EML6: variants seen among roughly 807,000 people sequenced by gnomAD.
EML6 encodes the protein EMAP like 6, also known as echinoderm microtubule-associated protein-like 6.
In EML6, 154 loss-of-function variants were observed where a neutral mutation model predicts 240.1. The observed-to-expected ratio is 0.64, with a 90% CI of 0.56 to 0.73. The LOEUF (loss-of-function observed/expected upper bound fraction) is 0.73. EML6 is among the 30% of genes least tolerant of loss of function. The probability of loss-of-function intolerance (pLI) is 0.00; values close to 1 mark genes in which losing one functional copy is unlikely to be tolerated. For missense variants in EML6, 2,964 were observed against 2,474.6 expected (o/e 1.20, Z -4.20); for synonymous variants, 1,148 against 899.0 (o/e 1.28, Z -4.95).
rs1676302430 is a variant in EML6 at position 54,957,828 on chromosome 2, A to G, written c.4525A>G (p.Ile1509Val). The G allele has an allele frequency of 1.3e-6, 2 of 1,550,332 alleles. No individual in the cohort carries two copies. Among genetic ancestry groups the G allele is most frequent in the South Asian group, 1.2e-5 (1 of 84,000 alleles). ...VASRGGHLER[I>V]FVVEFRPDSD... ...CAGCCGAGGGGGTCACCTGGAGCGC[A>G]TATTTGTGGTGGAATTTCGCCCCGA... Residue 1509 changes from isoleucine (I) to valine (V), a missense_variant, in exon 33 of 42, where the codon ATA becomes GTA. Coordinates refer to ENST00000356458, the MANE Select transcript of EML6 (RefSeq NM_001039753.4).
At chr2:54,851,605 A>G (rs1670094190) in intron 10 of EML6, among the ~76,000 whole-genome samples, 1 of 152,216 alleles carries the variant, frequency 6.6e-6, no homozygotes, top group African/African-American at 2.4e-5. Flanking sequence ...TAAAGTAGAG[A>G]AAATCTGAAA....
At chr2:54,740,756 C>T (rs764765245) in intron 2 of EML6, among the ~76,000 whole-genome samples, 12 of 151,034 alleles carry the variant, frequency 7.9e-5, no homozygotes, top group Non-Finnish European at 1.8e-4. Flanking sequence ...ACAGATGTTG[C>T]TTCTTGGTAA....
intron 2 of EML6, among the ~76,000 whole-genome samples, chr2:54,782,705 C>G (rs1297644862): frequency 7.1e-6 from 1 of 140,036 alleles, no homozygotes; most frequent in Admixed American, 7.2e-5. Flanking sequence ...TTCTTGTCTT[C>G]TTCTCTAAGA....
chr2:54,937,467 C>A (rs1168979073), intron 28 of EML6, among the ~76,000 whole-genome samples: 2 of 136,700 alleles, frequency 1.5e-5, no homozygotes, highest in Non-Finnish European at 3.1e-5. Flanking sequence ...ATAAAAGGAT[C>A]ACTTGAGCCT....
chr2:54,902,192 A>G (rs958495778), intron 22 of EML6, among the ~76,000 whole-genome samples: 4 of 152,210 alleles, frequency 2.6e-5, no homozygotes, highest in African/African-American at 7.2e-5. Flanking sequence ...ATTTTATTAT[A>G]GAACTCCTAT....
At chr2:54,839,877 C>T (rs1669347068) in intron 7 of EML6, among the ~76,000 whole-genome samples, 1 of 152,076 alleles carries the variant, frequency 6.6e-6, no homozygotes, top group Non-Finnish European at 1.5e-5. Context: ...GTTCCTGAGC[C>T]TCTTAAAATT....
In EML6 at chr2:54,751,559, T is replaced by C. The variant is rs547748743; in HGVS notation, c.197+26301T>C. 5.9e-5 allele frequency among the ~76,000 whole-genome samples: 9 copies of C among 152,270 alleles called. No homozygotes were observed. The South Asian group carries it at 1.7e-3, about 28-fold the overall frequency. On this transcript the variant is annotated intron_variant, in intron 2 of 41. Transcript: ENST00000356458. ...AGCTTACAAAAGGAAGGACAAATGC[T>C]CCGCAGCACACAGTAATACCCCGTC...
intron 10 of EML6, 103 bp downstream of exon 10, chr2:54,850,321 A>G: frequency 2.6e-6 from 3 of 1,135,328 alleles, no homozygotes; most frequent in South Asian, 1.7e-5. Context: ...TTTGTACAGC[A>G]GGTTTTCTGG....
At chr2:54,945,374 C>T (rs190324594) in intron 28 of EML6, among the ~76,000 whole-genome samples, 2 of 150,066 alleles carry the variant, frequency 1.3e-5, no homozygotes, top group African/African-American at 2.5e-5. Flanking sequence ...ATTTTGGAAG[C>T]TGAAGAAAGC....
Position 54,774,236 on chromosome 2 carries a change from C to T in EML6, c.198-38996C>T, listed in dbSNP as rs555402281. Among the ~76,000 whole-genome samples the T allele has an allele frequency of 1.3e-5, 2 of 152,248 alleles. No individual in the cohort carries two copies. The highest frequency in any genetic ancestry group is 4.1e-4 in the South Asian group (2 of 4,820). On this transcript the variant is annotated intron_variant, in intron 2 of 41. Transcript: ENST00000356458. The surrounding 1 kb of genome is among the most constrained non-coding windows in gnomAD (Gnocchi z 4.1). ...AGTTTCCTAGGAAGCAGCTCTGAGA[C>T]GAAGTTCAGCTTGCAAAATGTTTAT... is the stretch of plus-strand genomic sequence containing the variant.
At chr2:54,750,178 A>AT (rs1333548566) in intron 2 of EML6, among the ~76,000 whole-genome samples, 5 of 152,180 alleles carry the variant, frequency 3.3e-5, no homozygotes, top group Admixed American at 2.6e-4. Context: ...TGAGGGCCCG[A>AT]TATTTGGCTT....
intron 2 of EML6, among the ~76,000 whole-genome samples, chr2:54,799,784 A>T (rs982507191): frequency 1.3e-5 from 2 of 152,206 alleles, no homozygotes; most frequent in African/African-American, 4.8e-5. Context: ...AGAAATTGAG[A>T]TTGGAGAGGT....
intron 34 of EML6, 96 bp downstream of exon 34, chr2:54,959,357 C>T: frequency 1.7e-6 from 2 of 1,199,424 alleles, no homozygotes; most frequent in African/African-American, 1.5e-5. Context: ...TGCAGACTGT[C>T]ATCCTCCTAT....
intron 2 of EML6, among the ~76,000 whole-genome samples, chr2:54,772,585 T>C (rs949066776): frequency 2.0e-5 from 3 of 152,312 alleles, no homozygotes; most frequent in Non-Finnish European, 4.4e-5. Context: ...GTGGCAAAAA[T>C]TTACTGAATG....
At chr2:54,830,833 C>G (rs1428978793) in intron 7 of EML6, among the ~76,000 whole-genome samples, 1 of 152,202 alleles carries the variant, frequency 6.6e-6, no homozygotes, top group African/African-American at 2.4e-5. Flanking sequence ...TCTAAGTCAA[C>G]TAATCCAGGA....
At chr2:54,753,028 G>A (rs1184159981) in intron 2 of EML6, among the ~76,000 whole-genome samples, 1 of 152,102 alleles carries the variant, frequency 6.6e-6, no homozygotes, top group Admixed American at 6.5e-5. Flanking sequence ...GAGTCACGGT[G>A]CCCGGCTACA....
At chr2:54,897,930 G>C (rs1427924593) in intron 21 of EML6, among the ~76,000 whole-genome samples, 1 of 152,162 alleles carries the variant, frequency 6.6e-6, no homozygotes, top group Non-Finnish European at 1.5e-5. Flanking sequence ...TGTAGAGGCA[G>C]TGTGAGTGAG....
At chr2:54,867,840 T>G (rs1220499258) in intron 14 of EML6, 1 of 152,218 alleles carries the variant, frequency 6.6e-6, no homozygotes, top group Non-Finnish European at 1.5e-5. Context: ...ATTTCCATTC[T>G]AATTTTCCCA....
At chr2:54,969,926 A>G in intron 41 of EML6, 145 bp from the exon 42 acceptor site, 2 of 805,064 alleles carry the variant, frequency 2.5e-6, no homozygotes, top group Non-Finnish European at 4.2e-6. Context: ...TTTGGTGGCA[A>G]GATCCCTGGT....
Sources: gnomAD v4.1 joint callset for allele counts (sites outside exome capture counted in the v4.1 genomes callset) on GRCh38, gnomAD v4.1.1 for gene constraint, Gnocchi (gnomAD v3.1) non-coding constraint, MANE v1.5 for transcripts, NCBI Gene and HGNC (gene_info 2026-07-23, HGNC 2026-07-21) for gene names.